The following SLC25A21 variants were observed in gnomAD, a reference collection of about 807,000 sequenced individuals.
SLC25A21 encodes solute carrier family 25 member 21.
In SLC25A21, 47 loss-of-function variants were observed where a neutral mutation model predicts 43.8. The observed-to-expected ratio is 1.07, with a 90% CI of 0.85 to 1.37. The LOEUF is 1.37. Among genes scored for constraint, SLC25A21 ranks in the 40% most tolerant of loss-of-function variants. The pLI is 0.00. For missense variants in SLC25A21, 352 were observed against 350.2 expected, an observed-to-expected ratio of 1.00 and a Z score of -0.04; for synonymous variants, 131 against 121.3, an observed-to-expected ratio of 1.08 and a Z score of -0.52.
intron 1 of SLC25A21, among the ~76,000 whole-genome samples, chr14:37,040,375 GAAAGAAAGAAAGAA>G (rs1473203415): frequency 9.8e-5 from 3 of 30,460 alleles, no homozygotes; most frequent in Non-Finnish European, 1.1e-4. Flanking sequence ...GAGAGAGAGA[GAAAGAAAGAAAGAA>G]AGAAAGAAAG....
At chr14:36,803,052 C>A (rs932700935) in intron 3 of SLC25A21, among the ~76,000 whole-genome samples, 6 of 152,170 alleles carry the variant, frequency 3.9e-5, no homozygotes, top group Admixed American at 2.6e-4. Context: ...TACTCATCAC[C>A]CACATCCATT....
intron 1 of SLC25A21, among the ~76,000 whole-genome samples, chr14:36,926,131 T>A (rs964803872): frequency 1.3e-5 from 2 of 152,132 alleles, no homozygotes; most frequent in African/African-American, 4.8e-5. Context: ...CTTAAAAAAA[T>A]TGATGGCATT....
At chr14:36,955,047 C>A (rs955806742) in intron 1 of SLC25A21, among the ~76,000 whole-genome samples, 2 of 152,304 alleles carry the variant, frequency 1.3e-5, no homozygotes, top group South Asian at 4.1e-4. Flanking sequence ...TTTCTCCACT[C>A]TACTTTTGAA....
intron 1 of SLC25A21, among the ~76,000 whole-genome samples, chr14:36,985,537 C>T (rs561240124): frequency 1.3e-5 from 2 of 152,206 alleles, no homozygotes; most frequent in African/African-American, 4.8e-5. Flanking sequence ...AGATTACAGG[C>T]CAGTGATTTT....
intron 1 of SLC25A21, among the ~76,000 whole-genome samples, chr14:36,922,941 T>C (rs1399052670): frequency 6.6e-6 from 1 of 151,952 alleles, no homozygotes; most frequent in Non-Finnish European, 1.5e-5. Flanking sequence ...AGAATTCAAC[T>C]GAAAATTATA....
intron 1 of SLC25A21, among the ~76,000 whole-genome samples, chr14:37,005,228 A>G (rs997653132): frequency 1.3e-5 from 2 of 151,946 alleles, no homozygotes; most frequent in African/African-American, 4.8e-5. Flanking sequence ...ACACACCACG[A>G]TAAAAAGAAT....
At chr14:36,878,153 C>CT (rs1163009671) in intron 1 of SLC25A21, among the ~76,000 whole-genome samples, 1 of 152,118 alleles carries the variant, frequency 6.6e-6, no homozygotes, top group Non-Finnish European at 1.5e-5. Flanking sequence ...AACACCTTCT[C>CT]TCATCATAGC....
intron 1 of SLC25A21, among the ~76,000 whole-genome samples, chr14:36,901,921 C>T (rs1011934174): frequency 6.6e-6 from 1 of 152,176 alleles, no homozygotes; most frequent in Admixed American, 6.5e-5. Context: ...CTTCTATGCA[C>T]TGTGTATGAC....
At chr14:36,982,002 C>T (rs1960036652) in intron 1 of SLC25A21, among the ~76,000 whole-genome samples, 1 of 152,166 alleles carries the variant, frequency 6.6e-6, no homozygotes, top group South Asian at 2.1e-4. Context: ...CTTAAGTTTT[C>T]CATTGGCCAT....
In SLC25A21 at chr14:36,954,254, C is replaced by T. The variant is rs189312703; in HGVS notation, c.71-79250G>A. ...CTTCTCCACACCCTTTTACGGAATTCTCTCCCTCTCATCAGGACCTCCCAA... is the reference window on the plus strand; with the variant it reads ...CTTCTCCACACCCTTTTACGGAATTTTCTCCCTCTCATCAGGACCTCCCAA... On this transcript the variant is annotated intron_variant, in intron 1 of 9. Transcript: ENST00000331299. Among the ~76,000 whole-genome samples the T allele has an allele frequency of 1.1e-3, 170 of 152,208 alleles. 2 individuals carry two copies. The highest frequency in any genetic ancestry group is 3.1e-3 in the African/African-American group (127 of 41,546).
At chr14:36,967,159 T>C (rs891184513) in intron 1 of SLC25A21, among the ~76,000 whole-genome samples, 3 of 152,198 alleles carry the variant, frequency 2.0e-5, no homozygotes, top group Non-Finnish European at 4.4e-5. Flanking sequence ...ACATCACTAC[T>C]AACTGAAGAT....
chr14:36,774,333 T>G (rs1222290111), intron 3 of SLC25A21, among the ~76,000 whole-genome samples: 6 of 152,226 alleles, frequency 3.9e-5, no homozygotes, highest in African/African-American at 1.4e-4. Flanking sequence ...TTGATTATAT[T>G]TTAAGTTTCT....
intron 3 of SLC25A21, among the ~76,000 whole-genome samples, chr14:36,779,609 CATATATATATATAT>C (rs35392668): frequency 0.029 from 3,542 of 122,462 alleles, 141 homozygotes; most frequent in African/African-American, 0.092. Flanking sequence ...TATGTGTATA[CATATATATATATAT>C]ATATATATAT....
In SLC25A21 at chr14:37,099,806, T is replaced by C. The variant is rs182225845; in HGVS notation, c.70+72475A>G. ...TTTCCAGATTCAGAACCCGGAGCTCTGAGAGAGTAAGTGATTTTCCTAAAA... is the reference window on the plus strand; with the variant it reads ...TTTCCAGATTCAGAACCCGGAGCTCCGAGAGAGTAAGTGATTTTCCTAAAA... On this transcript the variant is annotated intron_variant, in intron 1 of 9. Coordinates refer to ENST00000331299, the MANE Select transcript of SLC25A21 (RefSeq NM_030631.4). Among the ~76,000 whole-genome samples the C allele has an allele frequency of 4.8e-3, 726 of 152,240 alleles. 4 individuals carry two copies. The highest frequency in any genetic ancestry group is 7.1e-3 in the Non-Finnish European group (485 of 68,014).
At chr14:36,991,864 G>A (rs142346484) in intron 1 of SLC25A21, among the ~76,000 whole-genome samples, 1 of 152,296 alleles carries the variant, frequency 6.6e-6, no homozygotes, top group Non-Finnish European at 1.5e-5. Flanking sequence ...AGAATCAAGT[G>A]CTTCTTGGAC....
intron 3 of SLC25A21, among the ~76,000 whole-genome samples, chr14:36,772,382 G>T (rs1450953596): frequency 6.6e-6 from 1 of 152,128 alleles, no homozygotes; most frequent in Non-Finnish European, 1.5e-5. Context: ...CAGGCTTCTG[G>T]CTTTTTCCAA....
chr14:37,080,287 A>G (rs138035414), intron 1 of SLC25A21, among the ~76,000 whole-genome samples: 1 of 152,296 alleles, frequency 6.6e-6, no homozygotes, highest in East Asian at 1.9e-4. Context: ...GGCACAGACT[A>G]CTTTTGTCTT....
At chr14:37,132,032 G>A (rs1963399817) in intron 1 of SLC25A21, among the ~76,000 whole-genome samples, 2 of 152,168 alleles carry the variant, frequency 1.3e-5, no homozygotes. Context: ...AGGCTGGTAA[G>A]TCCAATACCA....
intron 1 of SLC25A21, among the ~76,000 whole-genome samples, chr14:37,143,961 G>A (rs902156520): frequency 3.9e-5 from 6 of 152,092 alleles, no homozygotes; most frequent in African/African-American, 1.4e-4. Flanking sequence ...TAAAATGGGG[G>A]TTTTAGAAAG....
Sources: gnomAD v4.1 joint callset for allele counts (sites outside exome capture counted in the v4.1 genomes callset) on GRCh38, gnomAD v4.1.1 for gene constraint, MANE v1.5 for transcripts, NCBI Gene and HGNC (gene_info 2026-07-23, HGNC 2026-07-21) for gene names.